RYK: variants seen among roughly 807,000 people sequenced by gnomAD.
RYK encodes inactive tyrosine-protein kinase RYK.
A neutral mutation model predicts 70.2 loss-of-function variants in RYK; 21 were observed. The observed-to-expected ratio is 0.30, with a 90% CI of 0.21 to 0.43. RYK has a LOEUF of 0.43. RYK is among the 20% of genes least tolerant of loss of function. RYK has a pLI of 1.00. For synonymous variants in RYK, 267 were observed against 278.0 expected (o/e 0.96, Z 0.39); for missense variants, 604 against 753.3 (o/e 0.80, Z 2.32).
intron 1 of RYK, among the ~76,000 whole-genome samples, chr3:134,230,190 G>A (rs967847176): frequency 6.6e-6 from 1 of 152,140 alleles, no homozygotes; most frequent in African/African-American, 2.4e-5. Flanking sequence ...AGGTACAAGC[G>A]ATTCTCCTGC....
intron 14 of RYK, 125 bp downstream of exon 14, chr3:134,159,112 A>C: frequency 9.7e-7 from 1 of 1,036,224 alleles, no homozygotes; most frequent in Non-Finnish European, 1.5e-6. Flanking sequence ...AGTCTAATTT[A>C]AATCCAAAGA....
At chr3:134,168,942 A>G (rs1459333763) in intron 13 of RYK, among the ~76,000 whole-genome samples, 1 of 152,168 alleles carries the variant, frequency 6.6e-6, no homozygotes, top group Non-Finnish European at 1.5e-5. Flanking sequence ...AGCACTGGGC[A>G]AACAGGGAGT....
At chr3:134,195,323 T>G in intron 6 of RYK, 141 bp from the exon 7 acceptor site, 1 of 613,390 alleles carries the variant, frequency 1.6e-6, no homozygotes, top group Non-Finnish European at 2.9e-6. Flanking sequence ...GATGTTCCAA[T>G]ACTGATATTT....
At chr3:134,175,851 TC>T in intron 12 of RYK, 78 bp downstream of exon 12, 2 of 1,553,298 alleles carry the variant, frequency 1.3e-6, no homozygotes, top group Non-Finnish European at 1.8e-6. Context: ...ACAACACAAG[TC>T]CCACTGTGAC....
intron 3 of RYK, among the ~76,000 whole-genome samples, chr3:134,210,906 G>A (rs1321305944): frequency 6.6e-6 from 1 of 152,194 alleles, no homozygotes; most frequent in African/African-American, 2.4e-5. Flanking sequence ...CTTGAGTCTT[G>A]CAGAATGAGT....
In RYK at chr3:134,159,301, C is replaced by T. The variant is rs780732195; in HGVS notation, c.1648G>A (p.Glu550Lys). 3 of 1,613,866 alleles carry T rather than the reference C, an allele frequency of 1.9e-6. No homozygotes were observed. Among genetic ancestry groups the T allele is most frequent in the East Asian group, 2.2e-5 (1 of 44,876 alleles). ...QTPYVDIDPF[E>K]MAAYLKDGYR... ...CCATCTTTCAGGTATGCGGCCATCT[C>T]GAAGGGGTCAATGTCCACGTAGGGA... The change falls in exon 14 of 15, where the codon GAG becomes AAG. Residue 550 changes from glutamate to lysine, a missense_variant. Glu to Lys is a moderately conservative substitution (Grantham distance 56). Transcript: ENST00000623711.
chr3:134,184,020 T>C (rs1272339720), intron 9 of RYK, among the ~76,000 whole-genome samples: 1 of 152,230 alleles, frequency 6.6e-6, no homozygotes. Flanking sequence ...TCTGTTCTGT[T>C]TATACTTCCT....
intron 7 of RYK, among the ~76,000 whole-genome samples, chr3:134,192,239 G>C (rs1394657493): frequency 6.6e-6 from 1 of 152,066 alleles, no homozygotes; most frequent in African/African-American, 2.4e-5. Context: ...GTATTACCAT[G>C]ACCACCACTT....
At chr3:134,211,174 A>G (rs916077835) in intron 3 of RYK, among the ~76,000 whole-genome samples, 1 of 152,164 alleles carries the variant, frequency 6.6e-6, no homozygotes, top group African/African-American at 2.4e-5. Context: ...AGGGTCAAAC[A>G]TGACCGTGCA....
chr3:134,166,416 G>A (rs2012668642), intron 13 of RYK, among the ~76,000 whole-genome samples: 1 of 152,190 alleles, frequency 6.6e-6, no homozygotes, highest in South Asian at 2.1e-4. Flanking sequence ...TCCAGTCTAT[G>A]GCAGTTTGTT....
At chr3:134,206,247 T>C (rs1341027452) in intron 5 of RYK, among the ~76,000 whole-genome samples, 2 of 152,196 alleles carry the variant, frequency 1.3e-5, no homozygotes, top group African/African-American at 4.8e-5. Context: ...ACAGAGTACC[T>C]ACCATCTATG....
At chr3:134,169,892 G>A (rs1359263197) in intron 13 of RYK, among the ~76,000 whole-genome samples, 1 of 152,092 alleles carries the variant, frequency 6.6e-6, no homozygotes, top group African/African-American at 2.4e-5. Flanking sequence ...TAACTTTTAA[G>A]CCCCCAACTT....
chr3:134,190,883 A>C (rs571014682), intron 8 of RYK, among the ~76,000 whole-genome samples: 1 of 152,290 alleles, frequency 6.6e-6, no homozygotes, highest in South Asian at 2.1e-4. Context: ...TACTCTCTTC[A>C]GATTGCAAAA....
At position 134,246,301 on chromosome 3, in the gene RYK, AATACAC is replaced by A. The variant is rs1368639405; in HGVS notation, c.232+4116_232+4121del. 5.7e-3 allele frequency among the ~76,000 whole-genome samples: 590 copies of A among 103,684 alleles called. 6 individuals are homozygous for A. The highest frequency in any genetic ancestry group is 9.3e-3 in the African/African-American group (237 of 25,532). 68.0% of individuals were successfully genotyped at this position (103,684 alleles called of 152,430 possible). A position where few individuals can be genotyped will look rare whatever the true frequency, so the allele number is the denominator to read the frequency against. On this transcript the variant is annotated intron_variant, in intron 1 of 14. Coordinates refer to ENST00000623711, the MANE Select transcript of RYK (RefSeq NM_002958.4). ...CAAACCAACAGACATCTCAGAAAGA[AATACAC>A]ACACACACACACACACACACACACA...
At chr3:134,193,397 A>G (rs1207498919) in intron 7 of RYK, among the ~76,000 whole-genome samples, 1 of 152,156 alleles carries the variant, frequency 6.6e-6, no homozygotes, top group Non-Finnish European at 1.5e-5. Context: ...GTTAGCCAGG[A>G]TGGTCTTGAT....
rs1325846745 is a variant in RYK, at chr3:134,159,222, C to T, written c.1712+15G>A. 1 of 1,613,408 alleles carries T rather than the reference C, an allele frequency of 6.2e-7. No individual in the cohort carries two copies. The highest frequency in any genetic ancestry group is 1.3e-5 in the African/African-American group (1 of 74,886). ...ATGGAATAAAACTCATGCCTTCAAG[C>T]TCAAAAAAACTCACAATTCATCAGG... On this transcript the variant is annotated intron_variant, in intron 14 of 14. Coordinates refer to ENST00000623711, the MANE Select transcript of RYK (RefSeq NM_002958.4).
chr3:134,197,434 G>T (rs994648293), intron 6 of RYK, among the ~76,000 whole-genome samples: 1 of 152,094 alleles, frequency 6.6e-6, no homozygotes, highest in African/African-American at 2.4e-5. Context: ...TTGCTAAAAC[G>T]ATTACATGAA....
chr3:134,213,936 T>C (rs994939352), intron 2 of RYK, among the ~76,000 whole-genome samples: 9 of 152,166 alleles, frequency 5.9e-5, no homozygotes, highest in South Asian at 4.1e-4. Flanking sequence ...CCCGAGTAGC[T>C]GGTGGGACTA....
chr3:134,183,368 T>C, intron 9 of RYK: 1 of 179,268 alleles, frequency 5.6e-6, no homozygotes, highest in Non-Finnish European at 1.2e-5. Context: ...GCTAACTTCC[T>C]TTTTTCCTAT....
Sources: allele counts gnomAD v4.1 joint callset (sites outside exome capture counted in the v4.1 genomes callset), GRCh38; gene constraint gnomAD v4.1.1; transcripts MANE v1.5; gene names NCBI Gene and HGNC (gene_info 2026-07-23, HGNC 2026-07-21).